PPP6R3: variants seen among roughly 807,000 people sequenced by gnomAD.
The protein encoded by PPP6R3 is serine/threonine-protein phosphatase 6 regulatory subunit 3.
A neutral mutation model predicts 110.7 loss-of-function variants in PPP6R3; 38 were observed. The ratio of observed to expected loss-of-function variants is 0.34; its 90% CI spans 0.26 to 0.45. The LOEUF (loss-of-function observed/expected upper bound fraction) is 0.45. Ranked by LOEUF, PPP6R3 falls within the 20% of genes least tolerant of loss-of-function variation. The probability of loss-of-function intolerance (pLI) is 1.00; values close to 1 mark genes in which losing one functional copy is unlikely to be tolerated. For missense variants in PPP6R3, 870 were observed against 1,062.4 expected (o/e 0.82, Z 2.52); for synonymous variants, 369 against 373.5 (o/e 0.99, Z 0.14).
At chr11:68,580,746 C>CTTTTT (rs71043441) in intron 14 of PPP6R3, among the ~76,000 whole-genome samples, 4 of 67,528 alleles carry the variant, frequency 5.9e-5, no homozygotes, top group Non-Finnish European at 1.1e-4. Context: ...GGTAAATAAT[C>CTTTTT]TTTTTTTTTT....
At position 68,609,964 on chromosome 11, in the gene PPP6R3, C is replaced by T. The variant is rs762829024; in HGVS notation, c.2511C>T (p.Pro837=). 15 of 1,614,130 alleles carry T rather than the reference C, an allele frequency of 9.3e-6. No individual in the cohort carries two copies. Among genetic ancestry groups the T allele is most frequent in the South Asian group, 4.4e-5 (4 of 91,078 alleles). Residue 837 remains proline, a synonymous_variant, in exon 23 of 24, where the codon CCC becomes CCT. Transcript: ENST00000393800. The stretch of plus-strand genomic sequence containing the variant: ...CTTGTAAAGACGCAGAGGAGTGTCC[C>T]GAGACTGCAGAGGCGAAGTGCGCGG... The part of the protein sequence containing the change: ...DAACKDAEEC[P]ETAEAKCAAP...
chr11:68,595,928 G>A (rs79718084), intron 18 of PPP6R3, among the ~76,000 whole-genome samples, 169 bp from the exon 19 acceptor site: 1 of 152,176 alleles, frequency 6.6e-6, no homozygotes, highest in Non-Finnish European at 1.5e-5. Flanking sequence ...TGGGCAGCAC[G>A]CACGCAAAGC....
chr11:68,510,634 T>G (rs1480390620), intron 1 of PPP6R3, among the ~76,000 whole-genome samples: 2 of 152,166 alleles, frequency 1.3e-5, no homozygotes, highest in African/African-American at 4.8e-5. Context: ...CAGCATTTTT[T>G]CTTAAAAACT....
chr11:68,569,001 C>T (rs1485684545), intron 10 of PPP6R3, among the ~76,000 whole-genome samples: 1 of 152,092 alleles, frequency 6.6e-6, no homozygotes, highest in Non-Finnish European at 1.5e-5. Context: ...ACCTCGTGAT[C>T]CGCCCGCCTC....
intron 1 of PPP6R3, among the ~76,000 whole-genome samples, chr11:68,461,449 A>G (rs375863716): frequency 2.9e-4 from 35 of 120,866 alleles, no homozygotes; most frequent in Admixed American, 9.0e-4. Flanking sequence ...GGTGGCTTGT[A>G]TGTAAACTGT....
rs186273710 is a variant in PPP6R3 at position 68,478,441 on chromosome 11, G to T, written c.-158+17614G>T. Among the ~76,000 whole-genome samples the T allele has an allele frequency of 7.2e-5, 11 of 152,028 alleles. No homozygotes were observed. The East Asian group carries it at 2.1e-3, about 29-fold the overall frequency. ...TCCCACTAAAGTATATATATAGGCC[G>T]AAAACTTAAGTATCTTTTGTCAAGG... On this transcript the variant is annotated intron_variant, in intron 1 of 23. Coordinates refer to ENST00000393800, the MANE Select transcript of PPP6R3 (RefSeq NM_001164161.2).
chr11:68,606,903 A>C (rs1479127394), intron 22 of PPP6R3, among the ~76,000 whole-genome samples: 1 of 152,234 alleles, frequency 6.6e-6, no homozygotes, highest in Non-Finnish European at 1.5e-5. Flanking sequence ...GCTATTGAGT[A>C]AGAAATCAGT....
rs1035547546 is a variant in PPP6R3, at chr11:68,578,810, T to C, written c.1545+2767T>C. 1.1e-4 allele frequency among the ~76,000 whole-genome samples: 16 copies of C among 152,230 alleles called. No homozygotes were observed. The East Asian group carries it at 2.9e-3, about 27-fold the overall frequency. ...CATACCCAAATACGTGCACAGCAGA[T>C]TCATATACTCCCTGTGTTTTTATGT... is the stretch of plus-strand genomic sequence containing the variant. On this transcript the variant is annotated intron_variant, in intron 14 of 23. Transcript: ENST00000393800.
At chr11:68,592,054 A>G (rs1210861784) in intron 18 of PPP6R3, among the ~76,000 whole-genome samples, 1 of 152,208 alleles carries the variant, frequency 6.6e-6, no homozygotes, top group African/African-American at 2.4e-5. Flanking sequence ...CTTGTAAAAG[A>G]TGGAAAACTT....
chr11:68,520,419 C>T (rs1393519512), intron 2 of PPP6R3, among the ~76,000 whole-genome samples: 1 of 152,160 alleles, frequency 6.6e-6, no homozygotes, highest in Non-Finnish European at 1.5e-5. Context: ...TTTGTTACCA[C>T]GGCTGCAAAG....
At chr11:68,475,662 C>T (rs77058788) in intron 1 of PPP6R3, among the ~76,000 whole-genome samples, 10 of 147,842 alleles carry the variant, frequency 6.8e-5, no homozygotes, top group African/African-American at 2.0e-4. Context: ...CCGGACGGGG[C>T]GGCTGGCCGG....
At chr11:68,465,105 C>T (rs1238643120) in intron 1 of PPP6R3, among the ~76,000 whole-genome samples, 2 of 152,188 alleles carry the variant, frequency 1.3e-5, no homozygotes, top group Admixed American at 6.5e-5. Context: ...TGGTCCCGAT[C>T]TCCTGACCTC....
chr11:68,613,022 A>G, intron 23 of PPP6R3, 44 bp from the exon 24 acceptor site: 3 of 1,613,932 alleles, frequency 1.9e-6, no homozygotes, highest in Non-Finnish European at 2.5e-6. Flanking sequence ...TGTTTTTCAT[A>G]TTTCTGCTGC....
chr11:68,513,681 G>A (rs998158407), intron 1 of PPP6R3, among the ~76,000 whole-genome samples: 1 of 152,148 alleles, frequency 6.6e-6, no homozygotes, highest in Non-Finnish European at 1.5e-5. Flanking sequence ...CACACATAGC[G>A]CCAGTTTGCT....
Position 68,509,744 on chromosome 11 carries a change from A to ATTTTT in PPP6R3, c.-157-9739_-157-9735dup, listed in dbSNP as rs59022544. Among the ~76,000 whole-genome samples, 741 of 102,088 alleles carry ATTTTT rather than the reference A, an allele frequency of 7.3e-3. 25 individuals are homozygous for ATTTTT. The highest frequency in any genetic ancestry group is 0.024 in the African/African-American group (626 of 26,140). The allele number at this position is 102,088 out of a possible 152,430, so 67.0% of individuals were successfully genotyped here. A position where few individuals can be genotyped will look rare whatever the true frequency, so the allele number is the denominator to read the frequency against. On this transcript the variant is annotated intron_variant, in intron 1 of 23. Transcript: ENST00000393800. The stretch of plus-strand genomic sequence containing the variant: ...AGACATAAGCCACTGCATGTGGCTA[A>ATTTTT]TTTTTTTTTTTTTTTTTTTTTTGAG...
intron 1 of PPP6R3, among the ~76,000 whole-genome samples, chr11:68,514,392 T>TC (rs1288629395): frequency 6.6e-6 from 1 of 152,048 alleles, no homozygotes; most frequent in African/African-American, 2.4e-5. Context: ...CATTTTGCTT[T>TC]TTTTTTTAAC....
At chr11:68,479,454 A>G (rs897937245) in intron 1 of PPP6R3, among the ~76,000 whole-genome samples, 1 of 152,188 alleles carries the variant, frequency 6.6e-6, no homozygotes, top group Admixed American at 6.5e-5. Context: ...CGCTCAACCT[A>G]TACTTTTATA....
chr11:68,513,727 C>T (rs1249308186), intron 1 of PPP6R3, among the ~76,000 whole-genome samples: 1 of 152,198 alleles, frequency 6.6e-6, no homozygotes, highest in East Asian at 1.9e-4. Flanking sequence ...ATATTCAATA[C>T]TGGTGGTATA....
At chr11:68,538,666 C>T (rs1316601528) in intron 3 of PPP6R3, among the ~76,000 whole-genome samples, 2 of 152,176 alleles carry the variant, frequency 1.3e-5, no homozygotes, top group East Asian at 1.9e-4. Flanking sequence ...CTTTTCCTTT[C>T]GTCTTGGGGA....
Sources: allele counts gnomAD v4.1 joint callset (sites outside exome capture counted in the v4.1 genomes callset), GRCh38; gene constraint gnomAD v4.1.1; transcripts MANE v1.5; gene names NCBI Gene and HGNC (gene_info 2026-07-23, HGNC 2026-07-21).